The following THADA variants were observed in gnomAD, a reference collection of about 807,000 sequenced individuals.
The protein encoded by THADA is tRNA (32-2'-O)-methyltransferase regulator THADA.
A neutral mutation model predicts 219.8 loss-of-function variants in THADA; 213 were observed. The ratio of observed to expected loss-of-function variants is 0.97; its 90% CI spans 0.87 to 1.09. The LOEUF (loss-of-function observed/expected upper bound fraction) is 1.09. THADA is among the 50% of genes least tolerant of loss of function. The probability of loss-of-function intolerance (pLI) is 0.00; values close to 1 mark genes in which losing one functional copy is unlikely to be tolerated. For missense variants in THADA, 2,956 were observed against 2,311.3 expected (o/e 1.28, Z -5.72); for synonymous variants, 1,018 against 828.9 (o/e 1.23, Z -3.92).
intron 26 of THADA, among the ~76,000 whole-genome samples, chr2:43,468,229 G>C (rs763741324): frequency 5.9e-5 from 9 of 152,198 alleles, no homozygotes; most frequent in Non-Finnish European, 1.0e-4. Flanking sequence ...AAATTAGGGA[G>C]TAACGCTGTT....
intron 26 of THADA, among the ~76,000 whole-genome samples, chr2:43,471,838 T>C (rs889458866): frequency 1.3e-5 from 2 of 152,222 alleles, no homozygotes; most frequent in African/African-American, 2.4e-5. Context: ...GGTTTTTGTT[T>C]TGTTTCATTT....
At chr2:43,301,780 G>A (rs1676291773) in intron 31 of THADA, among the ~76,000 whole-genome samples, 1 of 152,142 alleles carries the variant, frequency 6.6e-6, no homozygotes, top group African/African-American at 2.4e-5. Flanking sequence ...GGTACAGCAG[G>A]GATTGACGGC....
At chr2:43,397,635 T>C (rs1008480374) in intron 29 of THADA, among the ~76,000 whole-genome samples, 9 of 151,578 alleles carry the variant, frequency 5.9e-5, no homozygotes, top group Non-Finnish European at 1.0e-4. Context: ...TCGGAATAGG[T>C]AGTAGCCCAG....
intron 26 of THADA, among the ~76,000 whole-genome samples, chr2:43,464,909 C>T (rs991694477): frequency 2.6e-5 from 4 of 151,924 alleles, no homozygotes; most frequent in African/African-American, 7.3e-5. Flanking sequence ...TAGCCAGTAA[C>T]GAACATTTTG....
chr2:43,591,855 C>G, intron 3 of THADA, 97 bp downstream of exon 3: 1 of 697,070 alleles, frequency 1.4e-6, no homozygotes, highest in Non-Finnish European at 2.2e-6. Context: ...AACTGATATG[C>G]AATAATTAGG....
At chr2:43,593,797 C>G (rs537724336) in intron 1 of THADA, among the ~76,000 whole-genome samples, 49 of 152,202 alleles carry the variant, frequency 3.2e-4, no homozygotes, top group African/African-American at 1.2e-3. Context: ...CCACGCCCGG[C>G]TAATTTTTTC....
intron 30 of THADA, among the ~76,000 whole-genome samples, chr2:43,334,991 C>T (rs1405305132): frequency 6.6e-6 from 1 of 152,108 alleles, no homozygotes; most frequent in Non-Finnish European, 1.5e-5. Context: ...CAGCCACAAG[C>T]CCTTGAGAAT....
intron 20 of THADA, 45 bp downstream of exon 20, chr2:43,549,165 T>C (rs1696449267): frequency 1.4e-6 from 2 of 1,451,444 alleles, no homozygotes; most frequent in African/African-American, 1.4e-5. Context: ...TACATTTTAC[T>C]GGTTACTTAA....
chr2:43,556,570 A>T lies in THADA; in HGVS notation c.2464-15T>A. ...TTCCCCGAATCCTAGAATAAAGCGC[A>T]GACTCAGTAACTGTCAAATTAAAGA... On this transcript the variant is annotated splice_polypyrimidine_tract_variant and intron_variant, in intron 16 of 37. Coordinates refer to ENST00000405975, the MANE Select transcript of THADA (RefSeq NM_022065.5). 2 of 1,608,572 alleles carry T rather than the reference A, an allele frequency of 1.2e-6. No individual in the cohort carries two copies. The highest frequency in any genetic ancestry group is 1.7e-6 in the Non-Finnish European group (2 of 1,176,412).
In THADA at chr2:43,410,018, T is replaced by TAAA. The variant is rs200952206; in HGVS notation, c.4059-11882_4059-11880dup. Among the ~76,000 whole-genome samples, 1,189 of 132,072 alleles carry TAAA rather than the reference T, an allele frequency of 9.0e-3. 4 individuals carry two copies. Among genetic ancestry groups the TAAA allele is most frequent in the South Asian group, 0.02 (85 of 4,192 alleles). 86.6% of individuals were successfully genotyped at this position (132,072 alleles called of 152,430 possible). ...GGTGTCAGATCAAGATCTCATCTCT[T>TAAA]AAAAAAAAAAAAAAAATAAGAGAGA... On this transcript the variant is annotated intron_variant, in intron 28 of 37. Coordinates refer to ENST00000405975, the MANE Select transcript of THADA (RefSeq NM_022065.5).
intron 29 of THADA, among the ~76,000 whole-genome samples, chr2:43,376,061 T>C (rs1314511539): frequency 3.3e-5 from 5 of 152,302 alleles, no homozygotes; most frequent in East Asian, 1.9e-4. Context: ...ATGGTTAAAG[T>C]TGTACCTGTA....
chr2:43,386,666 G>A (rs1340897161), intron 29 of THADA, among the ~76,000 whole-genome samples: 1 of 152,232 alleles, frequency 6.6e-6, no homozygotes, highest in South Asian at 2.1e-4. Flanking sequence ...GGCTGAGACG[G>A]GTAGATTACC....
intron 25 of THADA, among the ~76,000 whole-genome samples, chr2:43,485,736 C>G (rs988124678): frequency 2.0e-5 from 3 of 151,906 alleles, no homozygotes; most frequent in Non-Finnish European, 2.9e-5. Context: ...CTTATAAAAC[C>G]TAACTTCAAA....
At chr2:43,271,612 CTTTTTTTTTT>C (rs11365531) in intron 36 of THADA, among the ~76,000 whole-genome samples, 4 of 118,622 alleles carry the variant, frequency 3.4e-5, no homozygotes, top group Admixed American at 8.6e-5. Flanking sequence ...ACTCTTGGAA[CTTTTTTTTTT>C]TTTTTTTTTT....
chr2:43,337,299 C>T (rs1431805064), intron 30 of THADA, among the ~76,000 whole-genome samples: 1 of 152,182 alleles, frequency 6.6e-6, no homozygotes, highest in African/African-American at 2.4e-5. Flanking sequence ...AATCTGTACC[C>T]GTTTGACTTA....
intron 24 of THADA, among the ~76,000 whole-genome samples, chr2:43,501,913 C>T (rs1040498797): frequency 2.6e-5 from 4 of 152,180 alleles, no homozygotes; most frequent in Non-Finnish European, 5.9e-5. Flanking sequence ...CACTGCACTC[C>T]AGCCTGGGTG....
intron 24 of THADA, among the ~76,000 whole-genome samples, chr2:43,504,982 T>C (rs1196140503): frequency 6.6e-6 from 1 of 152,192 alleles, no homozygotes; most frequent in Non-Finnish European, 1.5e-5. Context: ...TTATTAATAT[T>C]TACTCCCTAG....
chr2:43,300,505 G>C (rs992859128), intron 31 of THADA, among the ~76,000 whole-genome samples: 2 of 152,144 alleles, frequency 1.3e-5, no homozygotes. Context: ...AGACCAAAAT[G>C]AATGCGATGG....
intron 22 of THADA, among the ~76,000 whole-genome samples, chr2:43,527,471 T>C (rs550477409): frequency 7.2e-5 from 11 of 152,258 alleles, no homozygotes; most frequent in African/African-American, 1.9e-4. Context: ...TTCTATACGA[T>C]AAAATTATGA....
Sources: gnomAD v4.1 joint callset for allele counts (sites outside exome capture counted in the v4.1 genomes callset) on GRCh38, gnomAD v4.1.1 for gene constraint, MANE v1.5 for transcripts, NCBI Gene and HGNC (gene_info 2026-07-23, HGNC 2026-07-21) for gene names.